The following SAMD3 variants were observed in gnomAD, a reference collection of about 807,000 sequenced individuals.
SAMD3 encodes the protein sterile alpha motif domain containing 3.
A neutral mutation model predicts 58.5 loss-of-function variants in SAMD3; 63 were observed. The ratio of observed to expected loss-of-function variants is 1.08; its 90% CI spans 0.88 to 1.33. The LOEUF (loss-of-function observed/expected upper bound fraction) is 1.33, where lower values mean the gene tolerates loss of function less well. SAMD3 is among the 40% of genes most tolerant of loss of function. SAMD3 has a pLI of 0.00. For missense variants in SAMD3, 604 were observed against 608.4 expected, an observed-to-expected ratio of 0.99 and a Z score of 0.08; for synonymous variants, 220 against 210.3, an observed-to-expected ratio of 1.05 and a Z score of -0.40.
At position 130,184,449 on chromosome 6, in the gene SAMD3, C is replaced by T; in HGVS notation, c.558G>A (p.Leu186=). ...CTGTTGTCACTCACAGTGAGCCTTC[C>T]AGATACTTAGTCATGTCGGCCTGGA... The part of the protein sequence containing the change: ...EFLQADMTKY[L]EGSLYPSTQQ... The change falls in exon 6 of 12, where the codon CTG becomes CTA. Residue 186 remains leucine (L), a synonymous_variant. Transcript: ENST00000439090. 1.2e-6 allele frequency: 2 copies of T among 1,613,944 alleles called. No homozygotes were observed. Among genetic ancestry groups the T allele is most frequent in the Non-Finnish European group, 1.7e-6 (2 of 1,179,916 alleles).
At chr6:130,273,506 G>C (rs976514570) in intron 2 of SAMD3, among the ~76,000 whole-genome samples, 2 of 151,908 alleles carry the variant, frequency 1.3e-5, no homozygotes, top group African/African-American at 4.8e-5. Context: ...AGTAATTATT[G>C]GTAGAGAAGA....
At chr6:130,172,588 T>C (rs755048559) in intron 8 of SAMD3, among the ~76,000 whole-genome samples, 4 of 152,250 alleles carry the variant, frequency 2.6e-5, no homozygotes, top group Non-Finnish European at 5.9e-5. Context: ...GTTAGTCTAA[T>C]GGGCTTCCCT....
At chr6:130,237,289 C>T (rs1465211610) in intron 2 of SAMD3, among the ~76,000 whole-genome samples, 1 of 152,058 alleles carries the variant, frequency 6.6e-6, no homozygotes, top group Non-Finnish European at 1.5e-5. Flanking sequence ...TTTTTGAACA[C>T]ATATTTTAGT....
chr6:130,217,428 A>G (rs1796060802), intron 1 of SAMD3, among the ~76,000 whole-genome samples: 1 of 152,240 alleles, frequency 6.6e-6, no homozygotes, highest in African/African-American at 2.4e-5. Context: ...AGAAGAATTA[A>G]TAATACATTA....
At chr6:130,236,703 C>T (rs577582413) in intron 2 of SAMD3, among the ~76,000 whole-genome samples, 11 of 152,174 alleles carry the variant, frequency 7.2e-5, no homozygotes, top group Non-Finnish European at 1.5e-4. Context: ...TTTATATTAC[C>T]CAAGTTATCA....
chr6:130,180,557 C>T (rs1792213322), intron 7 of SAMD3, among the ~76,000 whole-genome samples: 1 of 152,160 alleles, frequency 6.6e-6, no homozygotes, highest in Non-Finnish European at 1.5e-5. Context: ...AAAAAAATCC[C>T]TAATCTAGAT....
chr6:130,303,986 T>C (rs549048921), intron 2 of SAMD3, among the ~76,000 whole-genome samples: 50 of 152,368 alleles, frequency 3.3e-4, no homozygotes, highest in African/African-American at 1.1e-3. Flanking sequence ...TTTGTCATTT[T>C]TGTTTTTTCT....
chr6:130,231,292 A>C (rs1796539330), intron 2 of SAMD3, among the ~76,000 whole-genome samples: 1 of 152,192 alleles, frequency 6.6e-6, no homozygotes, highest in Non-Finnish European at 1.5e-5. Flanking sequence ...GGCCAGGCAC[A>C]GTGGTTCACA....
At chr6:130,342,868 T>G (rs1583132414) in intron 1 of SAMD3, among the ~76,000 whole-genome samples, 3 of 152,320 alleles carry the variant, frequency 2.0e-5, no homozygotes, top group African/African-American at 7.2e-5. Flanking sequence ...GGAAAGGAAG[T>G]GCTGCTGATC....
chr6:130,277,536 TAC>T (rs1025345888), intron 2 of SAMD3, among the ~76,000 whole-genome samples: 9 of 152,258 alleles, frequency 5.9e-5, no homozygotes, highest in African/African-American at 2.2e-4. Context: ...ATAAATGGTG[TAC>T]AGTCTACTGG....
At chr6:130,231,240 A>T (rs1002922941) in intron 2 of SAMD3, among the ~76,000 whole-genome samples, 4 of 152,128 alleles carry the variant, frequency 2.6e-5, no homozygotes, top group Admixed American at 6.5e-5. Flanking sequence ...TGATATAAAA[A>T]TTTTTTCCCA....
intron 1 of SAMD3, among the ~76,000 whole-genome samples, chr6:130,346,215 A>G (rs1777445380): frequency 6.6e-6 from 1 of 152,170 alleles, no homozygotes; most frequent in African/African-American, 2.4e-5. Flanking sequence ...GGAGTGTCAG[A>G]CAGTGGGTGC....
At chr6:130,169,542 G>A (rs1219451686) in intron 8 of SAMD3, among the ~76,000 whole-genome samples, 1 of 152,116 alleles carries the variant, frequency 6.6e-6, no homozygotes, top group Non-Finnish European at 1.5e-5. Context: ...AGCCTTAGCT[G>A]GCAGGAAGGT....
intron 2 of SAMD3, among the ~76,000 whole-genome samples, chr6:130,242,139 AC>A (rs1773381179): frequency 6.6e-6 from 1 of 152,204 alleles, no homozygotes; most frequent in South Asian, 2.1e-4. Flanking sequence ...TTCTTTAGCT[AC>A]TCATATTATA....
chr6:130,337,258 G>T (rs976585139), intron 1 of SAMD3, among the ~76,000 whole-genome samples: 5 of 152,124 alleles, frequency 3.3e-5, no homozygotes, highest in African/African-American at 1.2e-4. Context: ...GTGTTTGACA[G>T]TTCCTCCTGC....
intron 7 of SAMD3, chr6:130,183,069 A>G: frequency 3.3e-6 from 1 of 300,872 alleles, no homozygotes; most frequent in South Asian, 3.1e-5. Context: ...CAATGAAGAC[A>G]GTGGTCTTTG....
chr6:130,266,613 C>A (rs1047638579), intron 2 of SAMD3, among the ~76,000 whole-genome samples: 1 of 152,194 alleles, frequency 6.6e-6, no homozygotes, highest in Non-Finnish European at 1.5e-5. Flanking sequence ...AAGTTGCAAA[C>A]CATGTAGATC....
chr6:130,242,533 C>G (rs1773396116), intron 2 of SAMD3, among the ~76,000 whole-genome samples: 1 of 152,146 alleles, frequency 6.6e-6, no homozygotes, highest in Non-Finnish European at 1.5e-5. Context: ...GGAAGTCAAA[C>G]AGGTAATACA....
intron 2 of SAMD3, among the ~76,000 whole-genome samples, chr6:130,280,599 C>T (rs79573720): frequency 1.8e-4 from 27 of 152,312 alleles, no homozygotes; most frequent in Non-Finnish European, 2.6e-4. Flanking sequence ...TGTTCCTGCA[C>T]TCAAATTTAC....
Sources: allele counts gnomAD v4.1 joint callset (sites outside exome capture counted in the v4.1 genomes callset), GRCh38; gene constraint gnomAD v4.1.1; transcripts MANE v1.5; gene names NCBI Gene and HGNC (gene_info 2026-07-23, HGNC 2026-07-21).